The following OXR1 variants were observed in gnomAD, a reference collection of about 807,000 sequenced individuals.
OXR1 encodes oxidation resistance protein 1.
In OXR1, 41 loss-of-function variants were observed where a neutral mutation model predicts 104.6. The observed-to-expected ratio is 0.39, with a 90% CI of 0.31 to 0.51. The LOEUF (loss-of-function observed/expected upper bound fraction) is 0.51. Ranked by LOEUF, OXR1 falls within the 20% of genes least tolerant of loss-of-function variation. The pLI is 0.77. For synonymous variants in OXR1, 348 were observed against 348.4 expected, an observed-to-expected ratio of 1.00 and a Z score of 0.01; for missense variants, 955 against 1,031.9, an observed-to-expected ratio of 0.93 and a Z score of 1.02.
rs780201600 is a variant in OXR1, at chr8:106,740,469, A to G, written c.2290A>G (p.Met764Val). Residue 764 changes from methionine to valine, a missense_variant, in exon 14 of 17, where the codon ATG becomes GTG. Coordinates refer to ENST00000517566, the MANE Select transcript of OXR1 (RefSeq NM_001198533.2). ...GACAGGTTTAGACACCCCAGTGCTGATGGTGATTAAAGACAGTGATGGACA... is the reference window on the plus strand; with the variant it reads ...GACAGGTTTAGACACCCCAGTGCTGGTGGTGATTAAAGACAGTGATGGACA... ...TMTGLDTPVL[M>V]VIKDSDGQVF... 2.5e-6 allele frequency: 4 copies of G among 1,612,144 alleles called. No homozygotes were observed. Among genetic ancestry groups the G allele is most frequent in the Non-Finnish European group, 3.4e-6 (4 of 1,178,980 alleles).
chr8:106,455,863 A>C (rs1416199165), intron 2 of OXR1, among the ~76,000 whole-genome samples: 1 of 152,230 alleles, frequency 6.6e-6, no homozygotes. Flanking sequence ...GACCTAGATT[A>C]ATACCCAAAT....
At chr8:106,393,073 C>T (rs1472333276) in intron 2 of OXR1, among the ~76,000 whole-genome samples, 3 of 152,194 alleles carry the variant, frequency 2.0e-5, no homozygotes, top group East Asian at 3.8e-4. Flanking sequence ...TTCTGAGTCA[C>T]AGCTCCATAT....
intron 11 of OXR1, among the ~76,000 whole-genome samples, chr8:106,724,636 G>A (rs765983301): frequency 1.3e-5 from 2 of 152,100 alleles, no homozygotes; most frequent in Non-Finnish European, 2.9e-5. Context: ...CAGCATTCTG[G>A]TATAACAAAT....
At chr8:106,352,960 C>T (rs1398275997) in intron 1 of OXR1, among the ~76,000 whole-genome samples, 1 of 152,158 alleles carries the variant, frequency 6.6e-6, no homozygotes, top group Non-Finnish European at 1.5e-5. Flanking sequence ...GCAGAACCCC[C>T]TCTTTTAAAA....
At chr8:106,316,586 C>T (rs923496002) in intron 1 of OXR1, among the ~76,000 whole-genome samples, 6 of 152,084 alleles carry the variant, frequency 3.9e-5, no homozygotes, top group African/African-American at 1.4e-4. Flanking sequence ...CATTTTATTT[C>T]GGTCCCTGTA....
intron 2 of OXR1, among the ~76,000 whole-genome samples, chr8:106,475,966 C>T (rs1223603577): frequency 1.3e-5 from 2 of 151,900 alleles, no homozygotes; most frequent in African/African-American, 4.8e-5. Flanking sequence ...GAGTTGTGCA[C>T]ACCCTCTGAA....
chr8:106,447,182 G>A (rs995704680), intron 2 of OXR1, among the ~76,000 whole-genome samples: 1 of 152,046 alleles, frequency 6.6e-6, no homozygotes, highest in Non-Finnish European at 1.5e-5. Context: ...TTACTTTGAG[G>A]GCATCTCAAA....
At chr8:106,478,014 A>C (rs555965894) in intron 2 of OXR1, among the ~76,000 whole-genome samples, 1 of 152,048 alleles carries the variant, frequency 6.6e-6, no homozygotes, top group Non-Finnish European at 1.5e-5. Context: ...TCAGAATAAA[A>C]GGGAGTAAAA....
At chr8:106,670,295 A>C (rs149666146) in intron 3 of OXR1, among the ~76,000 whole-genome samples, 3 of 152,346 alleles carry the variant, frequency 2.0e-5, no homozygotes, top group Admixed American at 6.5e-5. Flanking sequence ...CTTAATTAAT[A>C]AGATCTGGTA....
chr8:106,330,567 G>T (rs1178401332), intron 1 of OXR1, among the ~76,000 whole-genome samples: 1 of 152,186 alleles, frequency 6.6e-6, no homozygotes, highest in East Asian at 1.9e-4. Flanking sequence ...AAATTGTCTT[G>T]AAATTGTAGA....
chr8:106,749,113 C>T (rs1409606098), intron 16 of OXR1, among the ~76,000 whole-genome samples: 3 of 151,726 alleles, frequency 2.0e-5, no homozygotes, highest in Admixed American at 1.3e-4. Flanking sequence ...GAGGCTGAGG[C>T]GGGTGGATCA....
chr8:106,279,604 A>G lies in OXR1; in HGVS notation c.-139+9237A>G, dbSNP rs529706682. On this transcript the variant is annotated intron_variant, in intron 1 of 16. Transcript: ENST00000517566. ...CACAGAGATTTGCAAAAACAGTAAT[A>G]GATACATTATAGATAACTACATAGA... 5.9e-5 allele frequency among the ~76,000 whole-genome samples: 9 copies of G among 152,348 alleles called. No homozygotes were observed. The South Asian group carries it at 8.3e-4, about 14-fold the overall frequency.
intron 1 of OXR1, among the ~76,000 whole-genome samples, chr8:106,348,276 T>C (rs1815579210): frequency 6.6e-6 from 1 of 152,138 alleles, no homozygotes; most frequent in African/African-American, 2.4e-5. Context: ...AAGCAAAGTC[T>C]GAAAAGTCTT....
At chr8:106,403,905 C>T (rs1307511595) in intron 2 of OXR1, among the ~76,000 whole-genome samples, 3 of 151,992 alleles carry the variant, frequency 2.0e-5, no homozygotes, top group Admixed American at 6.6e-5. Context: ...TTGAACCTCA[C>T]CTTTAGGGGC....
intron 8 of OXR1, among the ~76,000 whole-genome samples, chr8:106,704,117 A>T (rs540721511): frequency 1.3e-5 from 2 of 152,124 alleles, no homozygotes; most frequent in South Asian, 2.1e-4. Context: ...TATTATTTTG[A>T]CTTGGTAGAC....
chr8:106,280,806 T>C (rs781453305), intron 1 of OXR1, among the ~76,000 whole-genome samples: 5 of 151,914 alleles, frequency 3.3e-5, no homozygotes, highest in Non-Finnish European at 7.4e-5. Flanking sequence ...TTAGTGAAAA[T>C]TTCTAATTCT....
rs534218377 is a variant in OXR1 at position 106,573,054 on chromosome 8, A to G, written c.220+53915A>G. Among the ~76,000 whole-genome samples the G allele has an allele frequency of 2.6e-5, 4 of 152,236 alleles. No individual in the cohort carries two copies. In the South Asian group the frequency reaches 8.3e-4, roughly 32 times the overall value. ...GAGACTTAAGAAAACTGGGTGTTTC[A>G]GTCAGAGTCTGAAAGCCAGAAAAGA... On this transcript the variant is annotated intron_variant, in intron 3 of 16. Transcript: ENST00000517566.
chr8:106,616,985 T>A (rs1821293289), intron 3 of OXR1, among the ~76,000 whole-genome samples: 3 of 152,166 alleles, frequency 2.0e-5, no homozygotes, highest in Non-Finnish European at 2.9e-5. Flanking sequence ...TTGAAGGGTC[T>A]CATAAAAATG....
intron 3 of OXR1, among the ~76,000 whole-genome samples, chr8:106,531,865 G>A (rs377480566): frequency 1.3e-5 from 2 of 152,134 alleles, no homozygotes; most frequent in Admixed American, 6.5e-5. Flanking sequence ...GTAAATAAAC[G>A]TATAGTGAGT....
Sources: gnomAD v4.1 joint callset for allele counts (sites outside exome capture counted in the v4.1 genomes callset) on GRCh38, gnomAD v4.1.1 for gene constraint, MANE v1.5 for transcripts, NCBI Gene and HGNC (gene_info 2026-07-23, HGNC 2026-07-21) for gene names.